The following ERAP1 variants were observed in gnomAD, a reference collection of about 807,000 sequenced individuals.
ERAP1 encodes endoplasmic reticulum aminopeptidase 1.
A neutral mutation model predicts 103.7 loss-of-function variants in ERAP1; 86 were observed. The ratio of observed to expected loss-of-function variants is 0.83; its 90% CI spans 0.70 to 0.99. The LOEUF is 0.99. ERAP1 is among the 50% of genes least tolerant of loss of function. ERAP1 has a pLI of 0.00. For missense variants in ERAP1, 1,009 were observed against 1,128.4 expected (o/e 0.89, Z 1.52); for synonymous variants, 398 against 402.4 (o/e 0.99, Z 0.13).
At chr5:96,799,504 A>T (rs1273368825) in intron 3 of ERAP1, among the ~76,000 whole-genome samples, 2 of 151,992 alleles carry the variant, frequency 1.3e-5, no homozygotes, top group Non-Finnish European at 2.9e-5. Flanking sequence ...ATATCCATGG[A>T]TTTAGACTGT....
At chr5:96,897,008 C>T in the ERAP1 span, 1 of 249,578 alleles carries the variant, frequency 4.0e-6, no homozygotes, top group Non-Finnish European at 5.4e-6. Flanking sequence ...GAAGGCAGCA[C>T]TTCCCTTTTT....
At chr5:96,895,502 A>G in the ERAP1 span, 3 of 655,822 alleles carry the variant, frequency 4.6e-6, no homozygotes, top group Non-Finnish European at 8.0e-6. Context: ...TACACGAAAC[A>G]GATCACAGAA....
At chr5:96,891,231 G>C in the ERAP1 span, among the ~76,000 whole-genome samples, 1 of 151,892 alleles carries the variant, frequency 6.6e-6, no homozygotes, top group Middle Eastern at 3.4e-3. Flanking sequence ...CAGCTAAACA[G>C]AACATTTTAG....
At chr5:96,887,112 C>T in the ERAP1 span, among the ~76,000 whole-genome samples, 69 of 145,494 alleles carry the variant, frequency 4.7e-4, no homozygotes, top group Middle Eastern at 7.2e-3. Context: ...CACACACACA[C>T]ACACACACAC....
chr5:96,933,054 T>C, the ERAP1 span, among the ~76,000 whole-genome samples: 2 of 152,116 alleles, frequency 1.3e-5, no homozygotes, highest in Non-Finnish European at 2.9e-5. Context: ...GGTTGTGAAA[T>C]TGTGATATCA....
At chr5:96,879,782 T>A in the ERAP1 span, 1 of 1,614,214 alleles carries the variant, frequency 6.2e-7, no homozygotes, top group South Asian at 1.1e-5. Flanking sequence ...GCCCCAAATA[T>A]GCATTTGTTC....
chr5:96,877,962 CTTG>C, the ERAP1 span, among the ~76,000 whole-genome samples: 1 of 152,112 alleles, frequency 6.6e-6, no homozygotes, highest in Non-Finnish European at 1.5e-5. Flanking sequence ...TGCTGCAGAA[CTTG>C]TTAAGGATTA....
chr5:96,896,289 A>C, the ERAP1 span: 3 of 1,103,956 alleles, frequency 2.7e-6, no homozygotes, highest in Non-Finnish European at 3.9e-6. Context: ...ACCTCTAAGA[A>C]CATCTTACTA....
At chr5:96,777,193 G>T (rs11740375) in intron 18 of ERAP1, among the ~76,000 whole-genome samples, 1 of 152,140 alleles carries the variant, frequency 6.6e-6, no homozygotes, top group African/African-American at 2.4e-5. Context: ...TGTTTCATTT[G>T]TGGGTATCTT....
chr5:96,897,393 C>T, the ERAP1 span, among the ~76,000 whole-genome samples: 1 of 152,202 alleles, frequency 6.6e-6, no homozygotes, highest in Non-Finnish European at 1.5e-5. Flanking sequence ...TTCACCTCCT[C>T]CTTACAGACT....
Position 96,762,272 on chromosome 5 carries a change from A to G in ERAP1, c.*928T>C, listed in dbSNP as rs746507049. On this transcript the variant is annotated 3_prime_UTR_variant, in exon 20 of 20. Transcript: ENST00000296754. ...TACTAATAAAATTTTTTTCAATAAA[A>G]GAAATTTGAAGATGCTAAACTTGCT... The G allele has an allele frequency of 5.6e-6, 9 of 1,596,986 alleles. No individual in the cohort carries two copies. In the African/African-American group the frequency reaches 8.1e-5, roughly 14 times the overall value.
chr5:96,912,894 T>C, the ERAP1 span: 1 of 964,112 alleles, frequency 1.0e-6, no homozygotes, highest in Admixed American at 3.0e-5. Context: ...AGGCATAAGA[T>C]AATTGAATCA....
At chr5:96,838,887 A>G in the ERAP1 span, among the ~76,000 whole-genome samples, 1 of 152,160 alleles carries the variant, frequency 6.6e-6, no homozygotes, top group Non-Finnish European at 1.5e-5. Context: ...AGATTTCACA[A>G]GTTAAGGGCA....
chr5:96,840,328 C>T, the ERAP1 span, among the ~76,000 whole-genome samples: 1 of 152,292 alleles, frequency 6.6e-6, no homozygotes, highest in Admixed American at 6.5e-5. Context: ...CTTTCTCACT[C>T]CCCAGGGAGT....
the ERAP1 span, among the ~76,000 whole-genome samples, chr5:96,829,193 T>C: frequency 6.6e-6 from 1 of 152,182 alleles, no homozygotes; most frequent in African/African-American, 2.4e-5. Flanking sequence ...TCCCCTAGGG[T>C]CCCAGTCCGA....
chr5:96,810,226 G>A (rs1434696646), upstream of ERAP1, among the ~76,000 whole-genome samples: 2 of 152,200 alleles, frequency 1.3e-5, no homozygotes, highest in African/African-American at 2.4e-5. Context: ...AGCCCTAGCA[G>A]GGATGTAGAG....
intron 2 of ERAP1, 134 bp from the exon 3 acceptor site, chr5:96,801,134 A>C: frequency 9.9e-7 from 1 of 1,007,380 alleles, no homozygotes; most frequent in South Asian, 1.4e-5. Flanking sequence ...CATCTGACAA[A>C]AGCTATCATA....
the ERAP1 span, chr5:96,918,735 A>G: frequency 1.3e-5 from 2 of 152,264 alleles, no homozygotes; most frequent in Non-Finnish European, 2.9e-5. Flanking sequence ...TAATTCATAC[A>G]CTATTGCATT....
At chr5:96,783,282 A>C in intron 14 of ERAP1, 47 bp from the exon 15 acceptor site, 10 of 1,545,190 alleles carry the variant, frequency 6.5e-6, no homozygotes, top group Non-Finnish European at 7.0e-6. Context: ...GTCACAGGTC[A>C]TTTCATGTTA....
Sources: allele counts gnomAD v4.1 joint callset (sites outside exome capture counted in the v4.1 genomes callset), GRCh38; gene constraint gnomAD v4.1.1; transcripts MANE v1.5; gene names NCBI Gene and HGNC (gene_info 2026-07-23, HGNC 2026-07-21).